FBXL4: variants seen among roughly 807,000 people sequenced by gnomAD.
FBXL4 encodes the protein F-box/LRR-repeat protein 4.
Under a neutral mutation model 58.9 loss-of-function variants are expected in FBXL4, and 40 were observed. That is an observed-to-expected ratio of 0.68 (90% CI 0.53 to 0.88). FBXL4 has a LOEUF of 0.88. FBXL4 is among the 40% of genes least tolerant of loss of function. The probability of loss-of-function intolerance (pLI) is 0.00; values close to 1 mark genes in which losing one functional copy is unlikely to be tolerated. For missense variants in FBXL4, 676 were observed against 734.4 expected, an observed-to-expected ratio of 0.92 and a Z score of 0.92; for synonymous variants, 263 against 265.5, an observed-to-expected ratio of 0.99 and a Z score of 0.09.
At chr6:98,894,199 C>T (rs560026035) in intron 7 of FBXL4, among the ~76,000 whole-genome samples, 1 of 152,100 alleles carries the variant, frequency 6.6e-6, no homozygotes, top group African/African-American at 2.4e-5. Context: ...TCTACTTTCA[C>T]GAAAATACAT....
intron 5 of FBXL4, among the ~76,000 whole-genome samples, chr6:98,910,314 G>A (rs535937123): frequency 2.6e-5 from 4 of 152,114 alleles, no homozygotes; most frequent in Admixed American, 6.5e-5. Flanking sequence ...CACCCCAGTA[G>A]GGACACACTG....
chr6:98,898,234 G>A (rs1334435433), intron 7 of FBXL4: 8 of 950,652 alleles, frequency 8.4e-6, no homozygotes, highest in Non-Finnish European at 1.0e-5. Flanking sequence ...GCCCTGAGCT[G>A]GGACCAGGTC....
intron 8 of FBXL4, among the ~76,000 whole-genome samples, chr6:98,879,750 G>A (rs1770780953): frequency 6.8e-6 from 1 of 147,858 alleles, no homozygotes; most frequent in Non-Finnish European, 1.5e-5. Flanking sequence ...AGACCAGCCT[G>A]ACCAATAGGG....
Position 98,880,566 on chromosome 6 carries a change from C to G in FBXL4, c.1376G>C (p.Gly459Ala). ...TCAAACACTTACCATGACACAACTG[C>G]CTAAACTGAGGTGCTGAAGCTCTGA... ...FCSELQHLSLGSCVMIEDYDV... is the reference protein window; with the variant it reads ...FCSELQHLSLASCVMIEDYDV... The change falls in exon 8 of 10, where the codon GGC (glycine) becomes GCC (alanine). Residue 459 changes from glycine to alanine, a missense_variant. Coordinates refer to ENST00000369244, the MANE Select transcript of FBXL4 (RefSeq NM_001278716.2). 2 of 1,613,792 alleles carry G rather than the reference C, an allele frequency of 1.2e-6. No homozygotes were observed. The highest frequency in any genetic ancestry group is 1.7e-6 in the Non-Finnish European group (2 of 1,179,820).
intron 8 of FBXL4, among the ~76,000 whole-genome samples, chr6:98,878,482 T>C (rs1053521808): frequency 5.3e-5 from 8 of 151,946 alleles, no homozygotes; most frequent in African/African-American, 1.2e-4. Context: ...GTTGGGACTA[T>C]AGGTTTGAGC....
At chr6:98,919,460 C>A (rs1772494398) in intron 4 of FBXL4, among the ~76,000 whole-genome samples, 1 of 151,992 alleles carries the variant, frequency 6.6e-6, no homozygotes. Flanking sequence ...TTAGTTACAC[C>A]CTATAACCAA....
chr6:98,898,520 G>A lies in FBXL4; in HGVS notation c.1317+748C>T, dbSNP rs545270878. 5.1e-5 allele frequency: 46 copies of A among 899,316 alleles called. No homozygotes were observed. The African/African-American group carries it at 7.2e-4, about 14-fold the overall frequency. 55.7% of individuals were successfully genotyped at this position (899,316 alleles called of 1,614,324 possible). On this transcript the variant is annotated intron_variant, in intron 7 of 9. Transcript: ENST00000369244. ...CTCAGGAGGCTGAGGCAGGAGAATCGCTTGAACTGGTCAGGCGGAGGTTTC... is the reference window on the plus strand; with the variant it reads ...CTCAGGAGGCTGAGGCAGGAGAATCACTTGAACTGGTCAGGCGGAGGTTTC...
At chr6:98,899,661 T>TA (rs1261213835) in intron 6 of FBXL4, among the ~76,000 whole-genome samples, 180 bp from the exon 7 acceptor site, 18 of 152,226 alleles carry the variant, frequency 1.2e-4, no homozygotes, top group Non-Finnish European at 2.4e-4. Flanking sequence ...ATGGTTAGGC[T>TA]AAAAAAATCA....
intron 5 of FBXL4, among the ~76,000 whole-genome samples, chr6:98,915,200 C>T (rs1450974487): frequency 4.0e-5 from 6 of 151,480 alleles, no homozygotes; most frequent in African/African-American, 1.4e-4. Context: ...ACATTCCATG[C>T]TCATGGGTAG....
chr6:98,932,679 C>G, intron 2 of FBXL4, among the ~76,000 whole-genome samples: 1 of 151,998 alleles, frequency 6.6e-6, no homozygotes, highest in East Asian at 1.9e-4. Flanking sequence ...AGGCAGCAAT[C>G]AGAATGAACC....
intron 8 of FBXL4, among the ~76,000 whole-genome samples, chr6:98,878,257 A>G (rs1770724875): frequency 6.6e-6 from 1 of 152,234 alleles, no homozygotes; most frequent in African/African-American, 2.4e-5. Flanking sequence ...GTCAACAATA[A>G]AATGTAATAT....
At chr6:98,930,336 C>T (rs1489045693) in intron 2 of FBXL4, among the ~76,000 whole-genome samples, 2 of 152,228 alleles carry the variant, frequency 1.3e-5, no homozygotes, top group Non-Finnish European at 2.9e-5. Flanking sequence ...GGGAGAATCA[C>T]TTGAGCCCGC....
chr6:98,893,320 G>A (rs1039843128), intron 7 of FBXL4, among the ~76,000 whole-genome samples: 37 of 152,128 alleles, frequency 2.4e-4, no homozygotes, highest in African/African-American at 8.9e-4. Context: ...TTACAATTCT[G>A]GAGGCTAGAA....
At position 98,875,561 on chromosome 6, in the gene FBXL4, T is replaced by C; in HGVS notation, c.1556A>G (p.Gln519Arg). The change falls in exon 9 of 10, where the codon CAG (glutamine) becomes CGG (arginine). Residue 519 changes from glutamine (Q) to arginine (R), a missense_variant. Gln to Arg is a conservative substitution (Grantham distance 43, BLOSUM62 1). Transcript: ENST00000369244. ...TCTGGTGAAGCACCCGGTGCTGCTC[T>C]GCAGAGTTGGGCACCAGCCAAGGTC... ...ELDLGWCPTL[Q>R]SSTGCFTRLA... 1 of 1,614,166 alleles carries C rather than the reference T, an allele frequency of 6.2e-7. No individual in the cohort carries two copies. The highest frequency in any genetic ancestry group is 8.5e-7 in the Non-Finnish European group (1 of 1,180,016).
At chr6:98,936,694 A>G (rs923573831) in intron 1 of FBXL4, among the ~76,000 whole-genome samples, 1 of 152,196 alleles carries the variant, frequency 6.6e-6, no homozygotes, top group Non-Finnish European at 1.5e-5. Context: ...CATATAAAAC[A>G]TATATTAACC....
chr6:98,885,896 T>G (rs9388814), intron 7 of FBXL4, among the ~76,000 whole-genome samples: 24,255 of 152,172 alleles, frequency 0.16, 2,330 homozygotes, highest in East Asian at 0.47. Context: ...TGATCCCTTG[T>G]GGGGAAGCCA....
chr6:98,905,163 G>A (rs1411586982), intron 6 of FBXL4, among the ~76,000 whole-genome samples: 1 of 152,204 alleles, frequency 6.6e-6, no homozygotes. Flanking sequence ...GAGCTCTGCT[G>A]AAAGTTACTT....
intron 7 of FBXL4, among the ~76,000 whole-genome samples, chr6:98,890,323 T>G (rs1771180478): frequency 6.6e-6 from 1 of 152,148 alleles, no homozygotes; most frequent in Admixed American, 6.5e-5. Context: ...AGACAAAGAC[T>G]AGCTAAAATA....
chr6:98,945,669 G>A (rs1286032327), intron 1 of FBXL4, among the ~76,000 whole-genome samples: 1 of 152,088 alleles, frequency 6.6e-6, no homozygotes, highest in African/African-American at 2.4e-5. Flanking sequence ...TGGATATGAG[G>A]ATATCTTCCT....
Sources: allele counts gnomAD v4.1 joint callset (sites outside exome capture counted in the v4.1 genomes callset), GRCh38; gene constraint gnomAD v4.1.1; transcripts MANE v1.5; gene names NCBI Gene and HGNC (gene_info 2026-07-23, HGNC 2026-07-21).